REXO1: variants seen among roughly 807,000 people sequenced by gnomAD.
REXO1 encodes RNA exonuclease 1 homolog.
REXO1 carries 42 observed loss-of-function variants against 102.6 expected under a neutral mutation model. The ratio of observed to expected loss-of-function variants is 0.41; its 90% confidence interval spans 0.32 to 0.53. REXO1 has a LOEUF of 0.53. Among genes scored for constraint, REXO1 ranks in the 20% least tolerant of loss-of-function variants. REXO1 has a pLI of 0.27. For synonymous variants in REXO1, 908 were observed against 779.1 expected (o/e 1.17, Z -2.76); for missense variants, 1,819 against 1,732.5 (o/e 1.05, Z -0.89).
chr19:1,836,851 G>C (rs529745310), intron 1 of REXO1, among the ~76,000 whole-genome samples: 24 of 152,238 alleles, frequency 1.6e-4, no homozygotes, highest in African/African-American at 5.5e-4. Context: ...CAGCAGGACT[G>C]GCCCCTCCAG....
In REXO1 at chr19:1,816,025, C is replaced by G. The variant is rs1448200800; in HGVS notation, c.*41G>C. On this transcript the variant is annotated 3_prime_UTR_variant, in exon 16 of 16. Transcript: ENST00000170168. ...TTGGAAGAGGCATGGGGCTAAGGAC[C>G]AGCGGGACGGCAGGAGAGGCGGGTG... 16 of 1,540,246 alleles carry G rather than the reference C, an allele frequency of 1.0e-5. No homozygotes were observed. Among genetic ancestry groups the G allele is most frequent in the Non-Finnish European group, 1.2e-5 (14 of 1,147,294 alleles).
At chr19:1,840,192 C>A (rs1021854807) in intron 1 of REXO1, among the ~76,000 whole-genome samples, 1 of 152,240 alleles carries the variant, frequency 6.6e-6, no homozygotes, top group Non-Finnish European at 1.5e-5. Context: ...CTGCCCCCTG[C>A]CAGGCTCTTC....
chr19:1,828,776 G>T, intron 1 of REXO1, 145 bp from the exon 2 acceptor site: 1 of 1,145,170 alleles, frequency 8.7e-7, no homozygotes, highest in Middle Eastern at 3.0e-4. Flanking sequence ...AGGCTCTGGG[G>T]TGCCCAGCTG....
In REXO1 at chr19:1,823,756, C is replaced by G; in HGVS notation, c.2046G>C (p.Val682=). 1 of 1,257,370 alleles carries G rather than the reference C, an allele frequency of 8.0e-7. No homozygotes were observed. Among genetic ancestry groups the G allele is most frequent in the Non-Finnish European group, 1.0e-6 (1 of 995,016 alleles). The allele number at this position is 1,257,370 out of a possible 1,614,324, so 77.9% of individuals were successfully genotyped here. Residue 682 remains valine, a synonymous_variant, in exon 4 of 16, where the codon GTG becomes GTC. Transcript: ENST00000170168. ...GCGCCGTCGGGGGCCGGGCCGGGGG[C>G]ACCGCGGGACCCCTCCTCGGGGGCT... ...EVEPPRRGPA[V]PPARPPTAQE...
At chr19:1,829,969 G>A (rs145333088) in intron 1 of REXO1, among the ~76,000 whole-genome samples, 239 of 152,218 alleles carry the variant, frequency 1.6e-3, no homozygotes, top group African/African-American at 5.3e-3. Context: ...ATGTCTTCCC[G>A]GGGGGCAGCT....
rs772853981 is a variant in REXO1, at chr19:1,827,919, T to C, written c.870A>G (p.Glu290=). The C allele has an allele frequency of 3.1e-6, 5 of 1,613,684 alleles. No individual in the cohort carries two copies. The highest frequency in any genetic ancestry group is 3.4e-6 in the Non-Finnish European group (4 of 1,179,898). Residue 290 remains glutamate (E), a synonymous_variant, in exon 2 of 16, where the codon GAA becomes GAG. Coordinates refer to ENST00000170168, the MANE Select transcript of REXO1 (RefSeq NM_020695.4). ...GSCDARFSDS[E]DEAATVPGNE... Reference sequence around the variant, plus strand: ...TACCTGGGACCGTGGCGGCCTCATCTTCTGAGTCTGAGAACCTTGCATCGC... The same window carrying C: ...TACCTGGGACCGTGGCGGCCTCATCCTCTGAGTCTGAGAACCTTGCATCGC...
At chr19:1,842,549 C>T (rs1177144373) in intron 1 of REXO1, among the ~76,000 whole-genome samples, 4 of 152,270 alleles carry the variant, frequency 2.6e-5, no homozygotes, top group African/African-American at 7.2e-5. Flanking sequence ...ACGGCCCACG[C>T]CTGGAGGCAG....
At chr19:1,834,866 C>T (rs981080906) in intron 1 of REXO1, 10 of 278,424 alleles carry the variant, frequency 3.6e-5, no homozygotes, top group Admixed American at 1.8e-4. Flanking sequence ...GCATGCTAGG[C>T]GGGTCCGAGA....
chr19:1,835,824 G>A (rs1456141160), intron 1 of REXO1, among the ~76,000 whole-genome samples: 1 of 152,148 alleles, frequency 6.6e-6, no homozygotes, highest in Non-Finnish European at 1.5e-5. Flanking sequence ...CAGTGGTCCT[G>A]AGAGGCCACA....
chr19:1,839,175 G>C (rs1401906958), intron 1 of REXO1, among the ~76,000 whole-genome samples: 1 of 150,768 alleles, frequency 6.6e-6, no homozygotes, highest in Non-Finnish European at 1.5e-5. Context: ...AGTATCACTT[G>C]AACCCAGCAG....
intron 1 of REXO1, among the ~76,000 whole-genome samples, chr19:1,833,300 G>A (rs1279457380): frequency 3.3e-5 from 5 of 152,214 alleles, no homozygotes; most frequent in Admixed American, 6.5e-5. Context: ...TCGGAACTCC[G>A]CGGGACTGTG....
chr19:1,819,573 A>G (rs1391649145), intron 7 of REXO1, among the ~76,000 whole-genome samples: 1 of 152,222 alleles, frequency 6.6e-6, no homozygotes, highest in Non-Finnish European at 1.5e-5. Context: ...GAGAGGCTGC[A>G]ATGAAACGCC....
In REXO1 at chr19:1,827,061, G is replaced by A. The variant is rs901239404; in HGVS notation, c.1728C>T (p.Pro576=). ...PPKRLKASPP[P]SPAPSSSSSS... is the part of the protein sequence containing the mutation. ...AGGAGGAGGAGGATGGGGCGGGGGAGGGGGGCGGGGAGGCCTTGAGCCGCT... is the reference window on the plus strand; with the variant it reads ...AGGAGGAGGAGGATGGGGCGGGGGAAGGGGGCGGGGAGGCCTTGAGCCGCT... The change falls in exon 2 of 16, where the codon CCC becomes CCT. Residue 576 remains proline (P), a synonymous_variant. Coordinates refer to ENST00000170168, the MANE Select transcript of REXO1 (RefSeq NM_020695.4). 1.1e-4 allele frequency: 110 copies of A among 992,130 alleles called. No individual in the cohort carries two copies. The highest frequency in any genetic ancestry group is 1.7e-4 in the Non-Finnish European group (107 of 643,136). 61.5% of individuals were successfully genotyped at this position (992,130 alleles called of 1,614,324 possible).
chr19:1,816,855 G>GCCTC lies in REXO1; in HGVS notation c.3202-46_3202-43dup, dbSNP rs750621575. On this transcript the variant is annotated intron_variant, in intron 12 of 15. Transcript: ENST00000170168. ...CACCTCAGATGTGTCCCAGGCACCG[G>GCCTC]CCTCCCTCCCTCCCCTTCCCTGCCC... 1.0e-5 allele frequency: 15 copies of GCCTC among 1,461,940 alleles called. No homozygotes were observed. The Admixed American group carries it at 2.5e-4, about 25-fold the overall frequency. The allele number at this position is 1,461,940 out of a possible 1,614,324, so 90.6% of individuals were successfully genotyped here. A position where few individuals can be genotyped will look rare whatever the true frequency, so the allele number is the denominator to read the frequency against.
At position 1,816,522 on chromosome 19, in the gene REXO1, A is replaced by G; in HGVS notation, c.3365T>C (p.Leu1122Pro). The G allele has an allele frequency of 1.2e-6, 2 of 1,611,732 alleles. No homozygotes were observed. Among genetic ancestry groups the G allele is most frequent in the East Asian group, 2.2e-5 (1 of 44,764 alleles). The change falls in exon 14 of 16, where the codon CTG becomes CCG. Residue 1122 changes from leucine to proline, a missense_variant. By Grantham distance (98) the Leu-to-Pro change is moderately conservative. Coordinates refer to ENST00000170168, the MANE Select transcript of REXO1 (RefSeq NM_020695.4). ...EADLADTSVT[L>P]RDVQAVLLSM... Reference sequence around the variant, plus strand: ...CAGCAGAACGGCCTGGACGTCACGCAGCGTGACACTTGTGTCGGCAAGGTC... The same window carrying G: ...CAGCAGAACGGCCTGGACGTCACGCGGCGTGACACTTGTGTCGGCAAGGTC...
At chr19:1,819,361 G>A (rs554123048) in intron 7 of REXO1, among the ~76,000 whole-genome samples, 6 of 152,290 alleles carry the variant, frequency 3.9e-5, no homozygotes, top group Admixed American at 2.0e-4. Context: ...AGAGCTGCAC[G>A]GAGGCCCCAC....
Position 1,821,638 on chromosome 19 carries a change from A to T in REXO1, c.2275T>A (p.Ser759Thr), listed in dbSNP as rs4807145. Residue 759 changes from serine to threonine, a missense_variant, in exon 5 of 16, where the codon TCC becomes ACC. Transcript: ENST00000170168. Reference sequence around the variant, plus strand: ...CCACCTGGCTCAGGGCCGTTGGAGGACTGGCTGCCGCTGGCCGCAAGGGTC... The same window carrying T: ...CCACCTGGCTCAGGGCCGTTGGAGGTCTGGCTGCCGCTGGCCGCAAGGGTC... ...KRTLAASGSQ[S>T]SNGPEPGGQQ... The T allele has an allele frequency of 6.2e-7, 1 of 1,613,222 alleles. No homozygotes were observed. Among genetic ancestry groups the T allele is most frequent in the South Asian group, 1.1e-5 (1 of 91,076 alleles).
At chr19:1,833,332 C>A (rs1487090637) in intron 1 of REXO1, among the ~76,000 whole-genome samples, 1 of 152,232 alleles carries the variant, frequency 6.6e-6, no homozygotes, top group Non-Finnish European at 1.5e-5. Flanking sequence ...GAGGTACGGG[C>A]AGGCAGGGGA....
chr19:1,844,878 C>T (rs74570117), intron 1 of REXO1, among the ~76,000 whole-genome samples: 2 of 152,218 alleles, frequency 1.3e-5, no homozygotes, highest in Non-Finnish European at 2.9e-5. Flanking sequence ...TCAGCCTCTG[C>T]CTCCCTCAGG....
Sources: allele counts gnomAD v4.1 joint callset (sites outside exome capture counted in the v4.1 genomes callset), GRCh38; gene constraint gnomAD v4.1.1; transcripts MANE v1.5; gene names NCBI Gene and HGNC (gene_info 2026-07-23, HGNC 2026-07-21).